FUBP1: variants seen among roughly 807,000 people sequenced by gnomAD.
The protein encoded by FUBP1 is far upstream element binding protein 1, also known as far upstream element-binding protein 1.
Under a neutral mutation model 94.9 loss-of-function variants are expected in FUBP1, and 16 were observed. The observed-to-expected ratio is 0.17, with a 90% CI of 0.11 to 0.26. The LOEUF (loss-of-function observed/expected upper bound fraction) is 0.26. Among genes scored for constraint, FUBP1 ranks in the 10% least tolerant of loss-of-function variants. The probability of loss-of-function intolerance (pLI) is 1.00; values close to 1 mark genes in which losing one functional copy is unlikely to be tolerated. For missense variants in FUBP1, 583 were observed against 808.6 expected (o/e 0.72, Z 3.38); for synonymous variants, 279 against 254.9 (o/e 1.09, Z -0.90).
Position 77,947,783 on chromosome 1 carries a change from G to GAA in FUBP1, c.*981_*982dup. 1.1e-4 allele frequency: 66 copies of GAA among 602,476 alleles called. No individual in the cohort carries two copies. Among genetic ancestry groups the GAA allele is most frequent in the Non-Finnish European group, 1.2e-4 (54 of 440,054 alleles). 37.3% of individuals were successfully genotyped at this position (602,476 alleles called of 1,614,324 possible). A position where few individuals can be genotyped will look rare whatever the true frequency, so the allele number is the denominator to read the frequency against. On this transcript the variant is annotated 3_prime_UTR_variant, in exon 20 of 20. Transcript: ENST00000370768. ...ACAAAGCTTATCTATACTGCATAAA[G>GAA]AAAAAAAAAAAGCTTGAACGTTTCC...
At chr1:77,962,019 C>T (rs1466906262) in intron 14 of FUBP1, among the ~76,000 whole-genome samples, 1 of 152,142 alleles carries the variant, frequency 6.6e-6, no homozygotes, top group Non-Finnish European at 1.5e-5. Context: ...TGGCAAACAC[C>T]AAAAATAATT....
intron 1 of FUBP1, among the ~76,000 whole-genome samples, chr1:77,972,992 T>A (rs1308031181): frequency 5.8e-5 from 8 of 138,498 alleles, no homozygotes; most frequent in African/African-American, 1.9e-4. Context: ...TCAACGCTAA[T>A]ACAGCAAGAC....
chr1:77,948,973 G>A (rs1652785014), intron 19 of FUBP1, 182 bp downstream of exon 19: 5 of 915,584 alleles, frequency 5.5e-6, no homozygotes, highest in Non-Finnish European at 8.7e-6. Context: ...TCACCACTCA[G>A]ATGCTGGAAA....
Position 77,965,375 on chromosome 1 carries a change from A to G in FUBP1, c.474-144T>C, listed in dbSNP as rs4949826. The G allele has an allele frequency of 6.0e-3, 2,754 of 456,300 alleles. 61 individuals carry two copies. Among genetic ancestry groups the G allele is most frequent in the East Asian group, 0.033 (1,038 of 31,494 alleles). 28.3% of individuals were successfully genotyped at this position (456,300 alleles called of 1,614,324 possible). A position where few individuals can be genotyped will look rare whatever the true frequency, so the allele number is the denominator to read the frequency against. ...TGATGCTAACTTTAACAATGCTTTT[A>G]CTTTTAACTGAAAGAAAATGCCATC... is the stretch of plus-strand genomic sequence containing the variant. On this transcript the variant is annotated intron_variant, in intron 7 of 19. Coordinates refer to ENST00000370768, the MANE Select transcript of FUBP1 (RefSeq NM_003902.5).
Position 77,948,279 on chromosome 1 carries a change from G to T in FUBP1, c.*487C>A. The T allele has an allele frequency of 9.5e-7, 1 of 1,053,478 alleles. No individual in the cohort carries two copies. Among genetic ancestry groups the T allele is most frequent in the Non-Finnish European group, 1.1e-6 (1 of 870,414 alleles). 65.3% of individuals were successfully genotyped at this position (1,053,478 alleles called of 1,614,324 possible). ...CTATACTGCAAGGGGGGAAAAACAT[G>T]CCAGTGTTTAAAAACTCAATATTTC... is the stretch of plus-strand genomic sequence containing the variant. On this transcript the variant is annotated 3_prime_UTR_variant, in exon 20 of 20. Transcript: ENST00000370768.
Position 77,949,139 on chromosome 1 carries a change from A to T in FUBP1, c.1926+16T>A, listed in dbSNP as rs984183819. ...AGACTGGAGTAGAAATCAACAAATT[A>T]GCAATTACATTATACCTGAGGTGCT... On this transcript the variant is annotated intron_variant, in intron 19 of 19. Coordinates refer to ENST00000370768, the MANE Select transcript of FUBP1 (RefSeq NM_003902.5). The T allele has an allele frequency of 6.2e-7, 1 of 1,605,322 alleles. No homozygotes were observed. Among genetic ancestry groups the T allele is most frequent in the Non-Finnish European group, 8.5e-7 (1 of 1,173,420 alleles).
chr1:77,972,579 C>A (rs969284166), intron 1 of FUBP1, among the ~76,000 whole-genome samples: 2 of 140,354 alleles, frequency 1.4e-5, no homozygotes, highest in African/African-American at 5.4e-5. Context: ...TGAAACACCA[C>A]CTCTACTAAA....
chr1:77,969,141 A>G (rs2102445798), intron 2 of FUBP1: 2 of 622,926 alleles, frequency 3.2e-6, no homozygotes, highest in East Asian at 7.0e-5. Context: ...TCATTAGCTC[A>G]TTTTTTTTCT....
At chr1:77,979,102 T>C, upstream of FUBP1, 2 of 1,229,978 alleles carry the variant, frequency 1.6e-6, no homozygotes, top group Non-Finnish European at 2.2e-6. Flanking sequence ...CTCTATTACA[T>C]TCTTGCGCGA....
Position 77,978,976 on chromosome 1 carries a change from G to A in FUBP1, c.29C>T (p.Pro10Leu), listed in dbSNP as rs757030221. The A allele has an allele frequency of 1.2e-6, 2 of 1,613,830 alleles. No homozygotes were observed. The highest frequency in any genetic ancestry group is 2.2e-5 in the East Asian group (1 of 44,880). MADYSTVPPPSSGSAGGGGG... is the reference protein window; with the variant it reads MADYSTVPPLSSGSAGGGGG... Reference sequence around the variant, plus strand: ...ACCGCCACCAGCTGAGCCAGAAGAGGGGGGAGGCACTGTTGAATAGTCTGC... The same window carrying A: ...ACCGCCACCAGCTGAGCCAGAAGAGAGGGGAGGCACTGTTGAATAGTCTGC... Residue 10 changes from proline (P) to leucine (L), a missense_variant, in exon 1 of 20, where the codon CCC (proline) becomes CTC (leucine). Physicochemically the swap from Pro to Leu is moderately conservative, Grantham distance 98. Transcript: ENST00000370768.
chr1:77,964,514 G>T, intron 10 of FUBP1, 132 bp downstream of exon 10: 1 of 677,116 alleles, frequency 1.5e-6, no homozygotes, highest in Non-Finnish European at 2.5e-6. Context: ...AAGATATATA[G>T]AATTCTGTAT....
chr1:77,960,661 T>C (rs1571282593), intron 14 of FUBP1, 166 bp from the exon 15 acceptor site: 3 of 536,980 alleles, frequency 5.6e-6, no homozygotes, highest in East Asian at 6.8e-5. Flanking sequence ...TCATCTGCCA[T>C]AATAATGAGA....
Position 77,948,145 on chromosome 1 carries a change from T to TA in FUBP1, c.*620dup. On this transcript the variant is annotated 3_prime_UTR_variant, in exon 20 of 20. Transcript: ENST00000370768. Reference sequence around the variant, plus strand: ...ATGGAAGTATGCCAAAAGATCATTGTACACACATGCAGTTTTTAATCAAAC... The same window carrying TA: ...ATGGAAGTATGCCAAAAGATCATTGTAACACACATGCAGTTTTTAATCAAAC... The TA allele has an allele frequency of 9.6e-7, 1 of 1,040,350 alleles. No individual in the cohort carries two copies. Among genetic ancestry groups the TA allele is most frequent in the Non-Finnish European group, 1.2e-6 (1 of 863,198 alleles). The allele number at this position is 1,040,350 out of a possible 1,614,324, so 64.4% of individuals were successfully genotyped here.
intron 18 of FUBP1, among the ~76,000 whole-genome samples, chr1:77,950,702 T>C (rs1313374430): frequency 1.3e-5 from 2 of 152,218 alleles, no homozygotes; most frequent in Admixed American, 1.3e-4. Context: ...CGTTTGTAAC[T>C]CGCTTGGCTT....
chr1:77,978,303 C>G (rs1659107230), intron 1 of FUBP1, among the ~76,000 whole-genome samples: 1 of 152,148 alleles, frequency 6.6e-6, no homozygotes, highest in Non-Finnish European at 1.5e-5. Flanking sequence ...GGCCTGAGGC[C>G]ATTTTGAGAA....
chr1:77,979,265 T>C, upstream of FUBP1: 1 of 454,736 alleles, frequency 2.2e-6, no homozygotes, highest in East Asian at 3.4e-5. Context: ...AGAATTTCTT[T>C]TGGCACCTCC....
At chr1:77,958,604 G>C (rs1247364321) in intron 16 of FUBP1, among the ~76,000 whole-genome samples, 1 of 152,180 alleles carries the variant, frequency 6.6e-6, no homozygotes, top group Non-Finnish European at 1.5e-5. Flanking sequence ...GTTACTTCTT[G>C]CCCAAAGGCC....
chr1:77,949,109 A>G, intron 19 of FUBP1, 46 bp downstream of exon 19: 1 of 1,553,522 alleles, frequency 6.4e-7, no homozygotes. Context: ...AAACATGCAG[A>G]AAACAGACTG....
intron 1 of FUBP1, among the ~76,000 whole-genome samples, chr1:77,976,966 T>C (rs1050529910): frequency 2.6e-5 from 4 of 152,198 alleles, no homozygotes; most frequent in African/African-American, 9.7e-5. Flanking sequence ...CTGCTTCTTT[T>C]CTTCACTGGC....
Sources: gnomAD v4.1 joint callset for allele counts (sites outside exome capture counted in the v4.1 genomes callset) on GRCh38, gnomAD v4.1.1 for gene constraint, MANE v1.5 for transcripts, NCBI Gene and HGNC (gene_info 2026-07-23, HGNC 2026-07-21) for gene names.